ZC3H12B: variants seen among roughly 807,000 people sequenced by gnomAD.
ZC3H12B encodes probable ribonuclease ZC3H12B.
In ZC3H12B, 7 loss-of-function variants were observed where a neutral mutation model predicts 43.9. That is an observed-to-expected ratio of 0.16 (90% CI 0.09 to 0.30). The LOEUF is 0.30. Ranked by LOEUF, ZC3H12B falls within the 10% of genes least tolerant of loss-of-function variation. ZC3H12B has a pLI of 1.00. For missense variants in ZC3H12B, 475 were observed against 670.2 expected (o/e 0.71, Z 3.22); for synonymous variants, 222 against 241.7 (o/e 0.92, Z 0.76).
intron 2 of ZC3H12B, among the ~76,000 whole-genome samples, chrX:65,385,121 T>G (rs1485586188): frequency 1.8e-5 from 2 of 112,377 alleles, no homozygotes; most frequent in Non-Finnish European, 3.8e-5. Context: ...AGGATTGTCT[T>G]GGCAATGCAG....
At chrX:65,251,846 G>A in the ZC3H12B span, among the ~76,000 whole-genome samples, 2 of 111,195 alleles carry the variant, frequency 1.8e-5, no homozygotes, top group Non-Finnish European at 3.8e-5. Context: ...CTGAGATGAT[G>A]GGGTTTTCTA....
chrX:65,206,539 G>C, the ZC3H12B span, among the ~76,000 whole-genome samples: 1 of 112,055 alleles, frequency 8.9e-6, no homozygotes, highest in East Asian at 2.8e-4. Flanking sequence ...TTAAATGTAA[G>C]ACCTGAAACT....
the ZC3H12B span, chrX:65,186,355 G>A: frequency 9.2e-6 from 1 of 108,704 alleles, no homozygotes; most frequent in African/African-American, 3.4e-5. Context: ...AGTCGGGCAT[G>A]GTGGAGGGCG....
chrX:65,364,571 T>TCCCACCTAC (rs2066148688), upstream of ZC3H12B, among the ~76,000 whole-genome samples: 1 of 110,533 alleles, frequency 9.0e-6, no homozygotes, highest in African/African-American at 3.4e-5. Context: ...CACCGGTCAC[T>TCCCACCTAC]TCCACCTATC....
intron 3 of ZC3H12B, among the ~76,000 whole-genome samples, chrX:65,459,704 A>G (rs1209229123): frequency 8.9e-6 from 1 of 111,751 alleles, no homozygotes; most frequent in Non-Finnish European, 1.9e-5. Flanking sequence ...GATGGGACTT[A>G]TCTCAAAATA....
At chrX:65,117,680 T>A in the ZC3H12B span, among the ~76,000 whole-genome samples, 2 of 111,831 alleles carry the variant, frequency 1.8e-5, no homozygotes, top group Admixed American at 1.9e-4. Flanking sequence ...TCTTCTAGGG[T>A]TTTTATGCTT....
At chrX:65,216,423 A>G in the ZC3H12B span, among the ~76,000 whole-genome samples, 2 of 111,387 alleles carry the variant, frequency 1.8e-5, no homozygotes. Flanking sequence ...GGGAGCATTT[A>G]TAACAGCCCT....
At chrX:65,221,455 A>G in the ZC3H12B span, among the ~76,000 whole-genome samples, 1 of 111,888 alleles carries the variant, frequency 8.9e-6, no homozygotes, top group East Asian at 2.8e-4. Flanking sequence ...AAAATTAACC[A>G]AGAAAAGAAG....
chrX:65,454,842 T>C (rs1306682441), intron 3 of ZC3H12B, among the ~76,000 whole-genome samples: 4 of 111,705 alleles, frequency 3.6e-5, no homozygotes, highest in African/African-American at 9.8e-5. Context: ...TTCTGCAGCC[T>C]CCACTGCTGA....
At chrX:65,343,744 A>T in the ZC3H12B span, among the ~76,000 whole-genome samples, 16 of 112,341 alleles carry the variant, frequency 1.4e-4, no homozygotes, top group Admixed American at 5.7e-4. Flanking sequence ...AGCTGGAAGC[A>T]TTCCCCTTGA....
the ZC3H12B span, among the ~76,000 whole-genome samples, chrX:65,289,819 A>C: frequency 9.0e-6 from 1 of 110,604 alleles, no homozygotes; most frequent in Non-Finnish European, 1.9e-5. Context: ...ATCTCACACT[A>C]TGTGCATAAA....
chrX:65,153,104 A>C, the ZC3H12B span, among the ~76,000 whole-genome samples: 2 of 112,290 alleles, frequency 1.8e-5, no homozygotes, highest in African/African-American at 6.5e-5. Flanking sequence ...AAACACTTAA[A>C]TGATAGGCCT....
At chrX:65,330,885 G>T in the ZC3H12B span, 20 of 227,713 alleles carry the variant, frequency 8.8e-5, no homozygotes, top group Admixed American at 1.0e-3. Flanking sequence ...TCCATTTCCA[G>T]GTTTTTTCTC....
chrX:65,153,232 T>C, the ZC3H12B span, among the ~76,000 whole-genome samples: 1 of 111,473 alleles, frequency 9.0e-6, no homozygotes, highest in South Asian at 3.7e-4. Flanking sequence ...AATTGACAAA[T>C]GGGATCTAAT....
At chrX:65,243,163 G>T in the ZC3H12B span, among the ~76,000 whole-genome samples, 9 of 111,813 alleles carry the variant, frequency 8.0e-5, no homozygotes, top group African/African-American at 1.3e-4. Context: ...CACAGCAATG[G>T]AAACAATCAA....
chrX:65,150,354 A>T, the ZC3H12B span, among the ~76,000 whole-genome samples: 1 of 110,843 alleles, frequency 9.0e-6, no homozygotes, highest in African/African-American at 3.3e-5. Context: ...TGAGACAAAG[A>T]CTGAATATTT....
At chrX:65,331,851 A>G in the ZC3H12B span, among the ~76,000 whole-genome samples, 1 of 111,300 alleles carries the variant, frequency 9.0e-6, no homozygotes, top group Non-Finnish European at 1.9e-5. Flanking sequence ...CTGTTACAGC[A>G]TTGGTGGAAG....
chrX:65,385,385 C>T (rs192554463), intron 2 of ZC3H12B, among the ~76,000 whole-genome samples: 23 of 111,448 alleles, frequency 2.1e-4, no homozygotes, highest in Admixed American at 2.0e-3. Flanking sequence ...ACTTGGATTC[C>T]TAGGTATTTT....
chrX:65,462,377 C>T (rs1471012462), intron 3 of ZC3H12B, among the ~76,000 whole-genome samples: 3 of 110,451 alleles, frequency 2.7e-5, no homozygotes, highest in Non-Finnish European at 5.7e-5. Flanking sequence ...CCGGGCGTAG[C>T]GACAGGCGCC....
Sources: allele counts gnomAD v4.1 joint callset (sites outside exome capture counted in the v4.1 genomes callset), GRCh38; gene constraint gnomAD v4.1.1; transcripts MANE v1.5; gene names NCBI Gene and HGNC (gene_info 2026-07-23, HGNC 2026-07-21).